The following NR3C2 variants were observed in gnomAD, a reference collection of about 807,000 sequenced individuals.
NR3C2 encodes mineralocorticoid receptor.
Under a neutral mutation model 86.4 loss-of-function variants are expected in NR3C2, and 15 were observed. The ratio of observed to expected loss-of-function variants is 0.17; its 90% CI spans 0.12 to 0.27. The LOEUF (loss-of-function observed/expected upper bound fraction) is 0.27. Ranked by LOEUF, NR3C2 falls within the 10% of genes least tolerant of loss-of-function variation. NR3C2 has a pLI of 1.00. For missense variants in NR3C2, 960 were observed against 1,195.6 expected (o/e 0.80, Z 2.91); for synonymous variants, 458 against 450.5 (o/e 1.02, Z -0.21).
At chr4:148,195,772 C>T (rs948503298) in intron 3 of NR3C2, among the ~76,000 whole-genome samples, 12 of 152,158 alleles carry the variant, frequency 7.9e-5, no homozygotes, top group Admixed American at 6.5e-4. Flanking sequence ...GGGCTGATTA[C>T]CTGGCATGTT....
upstream of NR3C2, chr4:148,442,696 G>A (rs943998912): frequency 3.0e-6 from 3 of 985,276 alleles, no homozygotes; most frequent in African/African-American, 5.2e-5. Context: ...AAGTTGCTGC[G>A]ACACAGCCTG....
At chr4:148,405,419 C>G (rs114743185) in intron 2 of NR3C2, among the ~76,000 whole-genome samples, 1 of 152,176 alleles carries the variant, frequency 6.6e-6, no homozygotes, top group African/African-American at 2.4e-5. Context: ...CCACCAGGAC[C>G]ACATCACCTC....
chr4:148,316,455 T>G (rs1743180387), intron 2 of NR3C2, among the ~76,000 whole-genome samples: 2 of 152,322 alleles, frequency 1.3e-5, no homozygotes, highest in South Asian at 4.1e-4. Flanking sequence ...TAGCTTTGAT[T>G]TGCTGAATAC....
At chr4:148,170,500 C>T (rs967817740) in intron 4 of NR3C2, among the ~76,000 whole-genome samples, 10 of 151,034 alleles carry the variant, frequency 6.6e-5, no homozygotes, top group African/African-American at 2.4e-4. Flanking sequence ...GCACTTCTGA[C>T]ACTGCTTGAA....
intron 2 of NR3C2, among the ~76,000 whole-genome samples, chr4:148,310,534 C>A (rs1418879022): frequency 6.6e-6 from 1 of 152,176 alleles, no homozygotes; most frequent in Admixed American, 6.5e-5. Flanking sequence ...TCATAAGTCT[C>A]TACCAGCCAG....
intron 2 of NR3C2, among the ~76,000 whole-genome samples, chr4:148,409,105 G>A (rs536362485): frequency 1.3e-5 from 2 of 152,110 alleles, no homozygotes; most frequent in African/African-American, 4.8e-5. Flanking sequence ...GGAGATATTG[G>A]GTCAAAAGGT....
chr4:148,379,062 T>C (rs922422661), intron 2 of NR3C2, among the ~76,000 whole-genome samples: 6 of 151,966 alleles, frequency 3.9e-5, no homozygotes, highest in African/African-American at 1.4e-4. Flanking sequence ...ATATGATACA[T>C]GAAGATTAAA....
intron 2 of NR3C2, among the ~76,000 whole-genome samples, chr4:148,405,823 T>C (rs1560714227): frequency 6.6e-6 from 1 of 152,128 alleles, no homozygotes; most frequent in East Asian, 1.9e-4. Flanking sequence ...TTGCCACTAT[T>C]CTCCAACTCA....
chr4:148,215,280 C>T (rs762192819), intron 3 of NR3C2, among the ~76,000 whole-genome samples: 1 of 152,144 alleles, frequency 6.6e-6, no homozygotes, highest in Non-Finnish European at 1.5e-5. Flanking sequence ...AGGAAAAAAA[C>T]ATTAAAATTG....
At chr4:148,187,158 T>C (rs1735967220) in intron 4 of NR3C2, among the ~76,000 whole-genome samples, 1 of 151,472 alleles carries the variant, frequency 6.6e-6, no homozygotes, top group African/African-American at 2.4e-5. Flanking sequence ...CAGTTGTGAA[T>C]TGTGCTGTTA....
intron 2 of NR3C2, among the ~76,000 whole-genome samples, chr4:148,377,152 T>C (rs61763774): frequency 0.23 from 34,272 of 152,100 alleles, 3,995 homozygotes; most frequent in African/African-American, 0.24. Context: ...ATATGATGTA[T>C]AGATTATTAG....
At chr4:148,404,925 T>C (rs1420343618) in intron 2 of NR3C2, among the ~76,000 whole-genome samples, 2 of 152,202 alleles carry the variant, frequency 1.3e-5, no homozygotes, top group Admixed American at 6.5e-5. Context: ...TCAAAGCTTA[T>C]AAACTTCAAT....
intron 8 of NR3C2, among the ~76,000 whole-genome samples, chr4:148,104,479 C>T (rs561759603): frequency 1.3e-4 from 20 of 151,804 alleles, no homozygotes; most frequent in African/African-American, 4.8e-4. Context: ...TAGTCATGGC[C>T]TTGTCAAAGA....
intron 2 of NR3C2, among the ~76,000 whole-genome samples, chr4:148,291,850 A>G (rs1460181730): frequency 6.6e-6 from 1 of 152,164 alleles, no homozygotes; most frequent in East Asian, 1.9e-4. Context: ...CCTACTGAAC[A>G]TTATAGCTTA....
At chr4:148,228,608 T>C (rs1738302737) in intron 3 of NR3C2, among the ~76,000 whole-genome samples, 1 of 152,222 alleles carries the variant, frequency 6.6e-6, no homozygotes, top group Non-Finnish European at 1.5e-5. Context: ...CTTCAGCCTA[T>C]GACTTCCCTT....
chr4:148,107,516 A>T (rs1413083217), intron 8 of NR3C2, among the ~76,000 whole-genome samples: 3 of 152,256 alleles, frequency 2.0e-5, no homozygotes, highest in African/African-American at 2.4e-5. Flanking sequence ...AAAGGATTAT[A>T]AATCATTCTA....
At chr4:148,230,341 G>A (rs984350634) in intron 3 of NR3C2, among the ~76,000 whole-genome samples, 3 of 152,090 alleles carry the variant, frequency 2.0e-5, no homozygotes, top group South Asian at 2.1e-4. Flanking sequence ...TTACAGGTGT[G>A]TGCCATCACA....
chr4:148,332,451 T>C (rs930011532), intron 2 of NR3C2, among the ~76,000 whole-genome samples: 28 of 152,194 alleles, frequency 1.8e-4, no homozygotes, highest in Admixed American at 1.0e-3. Flanking sequence ...AGACAATATC[T>C]CTATGAATAT....
chr4:148,186,123 C>T (rs1399616755), intron 4 of NR3C2, among the ~76,000 whole-genome samples: 1 of 152,174 alleles, frequency 6.6e-6, no homozygotes, highest in Non-Finnish European at 1.5e-5. Context: ...TATTTCCATA[C>T]TCTCATCAAA....
Sources: gnomAD v4.1 joint callset for allele counts (sites outside exome capture counted in the v4.1 genomes callset) on GRCh38, gnomAD v4.1.1 for gene constraint, MANE v1.5 for transcripts, NCBI Gene and HGNC (gene_info 2026-07-23, HGNC 2026-07-21) for gene names.